Variants in ADAMTS6 observed in about 807,000 individuals in gnomAD.
ADAMTS6 encodes the protein ADAM metallopeptidase with thrombospondin type 1 motif 6, also known as A disintegrin and metalloproteinase with thrombospondin motifs 6.
Under a neutral mutation model 144.3 loss-of-function variants are expected in ADAMTS6, and 23 were observed. The observed-to-expected ratio is 0.16, with a 90% CI of 0.11 to 0.23. ADAMTS6 has a LOEUF of 0.23. Ranked by LOEUF, ADAMTS6 falls within the 10% of genes least tolerant of loss-of-function variation. The probability of loss-of-function intolerance (pLI) is 1.00; values close to 1 mark genes in which losing one functional copy is unlikely to be tolerated. For missense variants in ADAMTS6, 999 were observed against 1,379.6 expected (o/e 0.72, Z 4.37); for synonymous variants, 444 against 457.5 (o/e 0.97, Z 0.38).
At chr5:65,200,370 G>T (rs1305476932) in intron 20 of ADAMTS6, among the ~76,000 whole-genome samples, 1 of 152,286 alleles carries the variant, frequency 6.6e-6, no homozygotes, top group South Asian at 2.1e-4. Context: ...GTCCACAAGA[G>T]AAATGATTGA....
At chr5:65,158,128 G>C (rs1420488240) in intron 24 of ADAMTS6, among the ~76,000 whole-genome samples, 2 of 152,112 alleles carry the variant, frequency 1.3e-5, no homozygotes, top group Non-Finnish European at 2.9e-5. Flanking sequence ...AGTGAATTAC[G>C]AACTCTTTGA....
chr5:65,153,976 G>C (rs1216818128), intron 24 of ADAMTS6, among the ~76,000 whole-genome samples: 2 of 152,184 alleles, frequency 1.3e-5, no homozygotes, highest in African/African-American at 4.8e-5. Flanking sequence ...GGGAGGCTGA[G>C]GTGGGTGGAT....
At chr5:65,384,060 C>A (rs1021951895) in intron 7 of ADAMTS6, among the ~76,000 whole-genome samples, 1 of 152,160 alleles carries the variant, frequency 6.6e-6, no homozygotes, top group Non-Finnish European at 1.5e-5. Flanking sequence ...GCGTTCTGAC[C>A]CTGTGATGGG....
intron 12 of ADAMTS6, among the ~76,000 whole-genome samples, chr5:65,264,759 T>G (rs555255215): frequency 5.3e-5 from 8 of 152,210 alleles, no homozygotes; most frequent in African/African-American, 1.9e-4. Context: ...ATGCAGAACA[T>G]TTGCATCACC....
chr5:65,317,874 C>T (rs1427239710), intron 9 of ADAMTS6, among the ~76,000 whole-genome samples: 1 of 151,810 alleles, frequency 6.6e-6, no homozygotes, highest in Non-Finnish European at 1.5e-5. Context: ...GAGATCGAGA[C>T]CATCCTGGCT....
rs191063470 is a variant in ADAMTS6, at chr5:65,414,004, T to C, written c.1073+37471A>G. Among the ~76,000 whole-genome samples the C allele has an allele frequency of 2.0e-3, 309 of 152,304 alleles. 4 individuals are homozygous for C. The highest frequency in any genetic ancestry group is 5.1e-4 in the Non-Finnish European group (35 of 68,004). On this transcript the variant is annotated intron_variant, in intron 7 of 24. Coordinates refer to ENST00000381055, the MANE Select transcript of ADAMTS6 (RefSeq NM_197941.4). The stretch of plus-strand genomic sequence containing the variant: ...GAAACAGCAGGCATGAAGTACTCTC[T>C]GACCACTCCCTTTTCCTAGGAAGGA...
At position 65,470,993 on chromosome 5, in the gene ADAMTS6, A is replaced by G; in HGVS notation, c.247T>C (p.Ser83Pro). ...MDPIDPQQAV[S>P]KLFFKLSAYG... ...GCTGAAAGTTTAAAAAATAACTTAG[A>G]TACTGCCTGCTGTGGATCAATAGGG... Residue 83 changes from serine (S) to proline (P), a missense_variant, in exon 3 of 25, where the codon TCT becomes CCT. Ser to Pro is a moderately conservative substitution (Grantham distance 74). This residue lies in a region of ADAMTS6 where 252 missense variants were observed against 293.7 expected (regional missense o/e 0.86). Transcript: ENST00000381055. The G allele has an allele frequency of 6.2e-7, 1 of 1,612,928 alleles. No homozygotes were observed. The highest frequency in any genetic ancestry group is 8.5e-7 in the Non-Finnish European group (1 of 1,179,574).
At chr5:65,212,678 T>C (rs1474735094) in intron 20 of ADAMTS6, among the ~76,000 whole-genome samples, 1 of 152,180 alleles carries the variant, frequency 6.6e-6, no homozygotes, top group African/African-American at 2.4e-5. Flanking sequence ...CATTTAATCC[T>C]TTCTTGGTCT....
chr5:65,395,857 G>C (rs1753289795), intron 7 of ADAMTS6, among the ~76,000 whole-genome samples: 1 of 152,176 alleles, frequency 6.6e-6, no homozygotes, highest in African/African-American at 2.4e-5. Context: ...GCAATAACTT[G>C]TACTATTAAC....
intron 7 of ADAMTS6, among the ~76,000 whole-genome samples, chr5:65,436,261 T>C (rs1396567584): frequency 1.3e-5 from 2 of 151,842 alleles, no homozygotes; most frequent in Non-Finnish European, 2.9e-5. Context: ...AAGCCAGCCA[T>C]AGTGGCGCGA....
chr5:65,467,028 A>C (rs1203009724), intron 3 of ADAMTS6, among the ~76,000 whole-genome samples: 1 of 147,782 alleles, frequency 6.8e-6, no homozygotes, highest in East Asian at 1.9e-4. Flanking sequence ...GCGACAGAGC[A>C]GACTCCGTCT....
At chr5:65,174,361 G>C (rs976049144) in intron 22 of ADAMTS6, among the ~76,000 whole-genome samples, 1 of 152,200 alleles carries the variant, frequency 6.6e-6, no homozygotes, top group South Asian at 2.1e-4. Flanking sequence ...CCCTTAGGTG[G>C]CTTAGGCCTG....
chr5:65,406,527 T>A (rs533202605), intron 7 of ADAMTS6, among the ~76,000 whole-genome samples: 4 of 152,168 alleles, frequency 2.6e-5, no homozygotes, highest in African/African-American at 9.7e-5. Context: ...AGCTTTTTGA[T>A]GTGCTGCTGG....
intron 8 of ADAMTS6, among the ~76,000 whole-genome samples, chr5:65,332,302 TATATATATATAGAG>T (rs1479234894): frequency 1.7e-5 from 2 of 116,376 alleles, no homozygotes; most frequent in African/African-American, 2.8e-5. Context: ...TATATATATA[TATATATATATAGAG>T]AGAGAGAGAG....
At chr5:65,296,982 C>T (rs545908436) in intron 10 of ADAMTS6, 3 of 212,110 alleles carry the variant, frequency 1.4e-5, no homozygotes, top group Admixed American at 5.6e-5. Flanking sequence ...TTCTGGCTGT[C>T]TTCCACTGCC....
At chr5:65,190,330 T>C (rs1754933649) in intron 21 of ADAMTS6, among the ~76,000 whole-genome samples, 1 of 152,218 alleles carries the variant, frequency 6.6e-6, no homozygotes, top group South Asian at 2.1e-4. Flanking sequence ...TTCCTTTCTG[T>C]TTTCCACAGA....
chr5:65,326,181 T>C (rs141009978), intron 9 of ADAMTS6, among the ~76,000 whole-genome samples: 172 of 152,278 alleles, frequency 1.1e-3, no homozygotes, highest in Non-Finnish European at 2.0e-3. Context: ...CTCAATATAC[T>C]AGATGTCTGG....
At position 65,337,628 on chromosome 5, in the gene ADAMTS6, C is replaced by T. The variant is rs923642376; in HGVS notation, c.1074-3543G>A. ...TCAGTTCCTCGATATAACTCTCAGT[C>T]GTCTCCCATCTTATATTTAAATATC... On this transcript the variant is annotated intron_variant, in intron 7 of 24. Transcript: ENST00000381055. Among the ~76,000 whole-genome samples, 7 of 152,168 alleles carry T rather than the reference C, an allele frequency of 4.6e-5. No individual in the cohort carries two copies. In the East Asian group the frequency reaches 7.7e-4, roughly 17 times the overall value.
intron 18 of ADAMTS6, among the ~76,000 whole-genome samples, chr5:65,215,690 T>G (rs1335266704): frequency 1.3e-5 from 2 of 152,204 alleles, no homozygotes; most frequent in African/African-American, 4.8e-5. Flanking sequence ...ATAATGTCAC[T>G]AATAGAAAGC....
Sources: gnomAD v4.1 joint callset for allele counts (sites outside exome capture counted in the v4.1 genomes callset) on GRCh38, gnomAD v4.1.1 for gene constraint, gnomAD v4.1.1 regional missense constraint, MANE v1.5 for transcripts, NCBI Gene and HGNC (gene_info 2026-07-23, HGNC 2026-07-21) for gene names.